Variants in NUP133 observed in about 807,000 individuals in gnomAD.
NUP133 encodes the protein nucleoporin 133.
In NUP133, 66 loss-of-function variants were observed where a neutral mutation model predicts 146.2. The ratio of observed to expected loss-of-function variants is 0.45; its 90% CI spans 0.37 to 0.55. The LOEUF is 0.55. Among genes scored for constraint, NUP133 ranks in the 20% least tolerant of loss-of-function variants. NUP133 has a pLI of 0.00. For missense variants in NUP133, 1,277 were observed against 1,374.8 expected (o/e 0.93, Z 1.12); for synonymous variants, 521 against 498.8 (o/e 1.04, Z -0.59).
At chr1:229,446,052 G>T (rs891716412) in intron 24 of NUP133, among the ~76,000 whole-genome samples, 1 of 152,074 alleles carries the variant, frequency 6.6e-6, no homozygotes, top group Non-Finnish European at 1.5e-5. Context: ...TCATTGAATC[G>T]TAACATAAAC....
intron 24 of NUP133, among the ~76,000 whole-genome samples, chr1:229,445,647 T>C (rs920983192): frequency 1.3e-5 from 2 of 152,204 alleles, no homozygotes; most frequent in East Asian, 3.8e-4. Context: ...GTTGTGACTA[T>C]CTACTACTAA....
chr1:229,480,799 G>T (rs1202342426), intron 12 of NUP133, among the ~76,000 whole-genome samples: 1 of 151,260 alleles, frequency 6.6e-6, no homozygotes, highest in Non-Finnish European at 1.5e-5. Flanking sequence ...CGATTCTCCT[G>T]CCTCAGTCTC....
intron 5 of NUP133, 126 bp downstream of exon 5, chr1:229,499,558 C>T: frequency 1.0e-6 from 1 of 1,001,208 alleles, no homozygotes. Flanking sequence ...TGCTTGAGCC[C>T]AGGAGTTTGA....
intron 3 of NUP133, among the ~76,000 whole-genome samples, chr1:229,501,668 G>A (rs945799661): frequency 2.8e-4 from 42 of 152,248 alleles, no homozygotes; most frequent in Middle Eastern, 3.4e-3. Flanking sequence ...TCAGAAATAC[G>A]CAAACTCAAA....
chr1:229,461,337 A>G (rs2102755603), intron 19 of NUP133, among the ~76,000 whole-genome samples: 1 of 152,310 alleles, frequency 6.6e-6, no homozygotes, highest in African/African-American at 2.4e-5. Flanking sequence ...GGTGGTGTGG[A>G]GGCTGAGCTG....
chr1:229,477,430 G>C (rs1272783838), intron 13 of NUP133, among the ~76,000 whole-genome samples, 167 bp downstream of exon 13: 2 of 136,766 alleles, frequency 1.5e-5, no homozygotes, highest in East Asian at 2.1e-4. Context: ...ACAGAGCCTT[G>C]CTCTGTCTCA....
chr1:229,458,962 A>G (rs961738264), intron 20 of NUP133, among the ~76,000 whole-genome samples: 1 of 152,174 alleles, frequency 6.6e-6, no homozygotes, highest in Non-Finnish European at 1.5e-5. Context: ...GGAAAATAGG[A>G]GTACACATTC....
At chr1:229,503,477 G>A (rs957699310) in intron 2 of NUP133, among the ~76,000 whole-genome samples, 10 of 152,152 alleles carry the variant, frequency 6.6e-5, no homozygotes, top group Non-Finnish European at 8.8e-5. Flanking sequence ...AAAGAGTTAC[G>A]TTCTCTATTA....
In NUP133 at chr1:229,495,495, C is replaced by T; in HGVS notation, c.1046G>A (p.Cys349Tyr). ...NIRYLDLKQN[C>Y]DGLVILAAAW... ...TCTTTACGACAAATTAATTGCTTACCAGTTTTGCTTCAAGTCCAAATATCG... is the reference window on the plus strand; with the variant it reads ...TCTTTACGACAAATTAATTGCTTACTAGTTTTGCTTCAAGTCCAAATATCG... The change falls in exon 8 of 26, where the codon TGT becomes TAT. Residue 349 changes from cysteine to tyrosine, a missense_variant and splice_region_variant. Coordinates refer to ENST00000261396, the MANE Select transcript of NUP133 (RefSeq NM_018230.3). 6.2e-7 allele frequency: 1 copy of T among 1,606,140 alleles called. No individual in the cohort carries two copies. Among genetic ancestry groups the T allele is most frequent in the South Asian group, 1.1e-5 (1 of 90,822 alleles).
chr1:229,464,255 G>A (rs1474486234), intron 18 of NUP133, among the ~76,000 whole-genome samples: 1 of 152,112 alleles, frequency 6.6e-6, no homozygotes, highest in Non-Finnish European at 1.5e-5. Context: ...TCCTAGCCTG[G>A]AGTATAATGT....
intron 21 of NUP133, among the ~76,000 whole-genome samples, chr1:229,457,621 TTTTAA>T (rs1571910806): frequency 6.6e-6 from 1 of 152,226 alleles, no homozygotes; most frequent in African/African-American, 2.4e-5. Context: ...ATTTTTGTTG[TTTTAA>T]TTTTTTTGTT....
chr1:229,496,976 T>C (rs1273514052), intron 6 of NUP133, among the ~76,000 whole-genome samples: 1 of 152,244 alleles, frequency 6.6e-6, no homozygotes, highest in African/African-American at 2.4e-5. Context: ...ATGTATGTAG[T>C]TAGTCATGAA....
chr1:229,460,222 GC>G (rs1201469481), intron 20 of NUP133, among the ~76,000 whole-genome samples: 5 of 152,070 alleles, frequency 3.3e-5, no homozygotes, highest in Non-Finnish European at 7.4e-5. Context: ...TTGAGACAAG[GC>G]CTCACTCTGT....
chr1:229,458,448 A>G lies in NUP133; in HGVS notation c.2845-152T>C, dbSNP rs987469809. 3 of 568,876 alleles carry G rather than the reference A, an allele frequency of 5.3e-6. No homozygotes were observed. In the African/African-American group the frequency reaches 5.6e-5, roughly 11 times the overall value. The allele number at this position is 568,876 out of a possible 1,614,324, so 35.2% of individuals were successfully genotyped here. The stretch of plus-strand genomic sequence containing the variant: ...CAAACCTAAAAACTGAGCAGTACGT[A>G]ACATTGAGAGTAATTACACAGCAAA... On this transcript the variant is annotated intron_variant, in intron 20 of 25. Transcript: ENST00000261396.
intron 23 of NUP133, 118 bp downstream of exon 23, chr1:229,450,407 G>T: frequency 5.9e-6 from 3 of 511,128 alleles, no homozygotes; most frequent in Non-Finnish European, 1.1e-5. Flanking sequence ...AAAGGTAGTT[G>T]AACCACAGAT....
rs532488897 is a variant in NUP133, at chr1:229,469,542, G to C, written c.2076+1038C>G. Among the ~76,000 whole-genome samples the C allele has an allele frequency of 6.4e-4, 98 of 152,280 alleles. 1 individual carries two copies. Among genetic ancestry groups the C allele is most frequent in the Middle Eastern group, 6.8e-3 (2 of 294 alleles). On this transcript the variant is annotated intron_variant, in intron 15 of 25. Transcript: ENST00000261396. ...AGATTAAGGGGTCCAAAAAGGGATG[G>C]GGCAGCACCCTAGGATGAGGCATTA...
chr1:229,450,715 T>C, intron 22 of NUP133, 110 bp from the exon 23 acceptor site: 2 of 432,604 alleles, frequency 4.6e-6, no homozygotes, highest in East Asian at 7.8e-5. Context: ...GTAGTTTGTT[T>C]TTTGTTTGTT....
In NUP133 at chr1:229,508,340, A is replaced by G. The variant is rs1446458089; in HGVS notation, c.-91T>C. On this transcript the variant is annotated 5_prime_UTR_variant, in exon 1 of 26. Transcript: ENST00000261396. ...GCGGAACTTAAACACCTAAGGGAAG[A>G]GATGGCGCGCGATGATGACGTCAAA... 8 of 987,382 alleles carry G rather than the reference A, an allele frequency of 8.1e-6. No homozygotes were observed. Among genetic ancestry groups the G allele is most frequent in the Non-Finnish European group, 1.1e-5 (8 of 719,118 alleles). The allele number at this position is 987,382 out of a possible 1,614,324, so 61.2% of individuals were successfully genotyped here.
chr1:229,489,889 C>A, intron 9 of NUP133, 66 bp downstream of exon 9: 1 of 1,387,586 alleles, frequency 7.2e-7, no homozygotes, highest in Non-Finnish European at 9.6e-7. Flanking sequence ...ATAAATAAGA[C>A]CCTGAAATGG....
Sources: allele counts gnomAD v4.1 joint callset (sites outside exome capture counted in the v4.1 genomes callset), GRCh38; gene constraint gnomAD v4.1.1; transcripts MANE v1.5; gene names NCBI Gene and HGNC (gene_info 2026-07-23, HGNC 2026-07-21).